SLC24A2: variants seen among roughly 807,000 people sequenced by gnomAD.
SLC24A2 encodes the protein solute carrier family 24 member 2, also known as sodium/potassium/calcium exchanger 2.
In SLC24A2, 36 loss-of-function variants were observed where a neutral mutation model predicts 62.0. The observed-to-expected ratio is 0.58, with a 90% CI of 0.44 to 0.77. The LOEUF is 0.77. Among genes scored for constraint, SLC24A2 ranks in the 30% least tolerant of loss-of-function variants. SLC24A2 has a pLI of 0.00. For missense variants in SLC24A2, 846 were observed against 817.9 expected, an observed-to-expected ratio of 1.03 and a Z score of -0.42; for synonymous variants, 358 against 294.0, an observed-to-expected ratio of 1.22 and a Z score of -2.23.
the SLC24A2 span, among the ~76,000 whole-genome samples, chr9:20,232,611 T>G: frequency 6.6e-6 from 1 of 152,210 alleles, no homozygotes; most frequent in African/African-American, 2.4e-5. Flanking sequence ...TTGCGTCTAT[T>G]TGATTCTTCT....
the SLC24A2 span, among the ~76,000 whole-genome samples, chr9:19,969,856 G>A: frequency 6.6e-6 from 1 of 152,166 alleles, no homozygotes; most frequent in Non-Finnish European, 1.5e-5. Flanking sequence ...ATAACAAAAG[G>A]GATGAAGACT....
chr9:19,509,386 A>G lies in SLC24A2; in HGVS notation c.*6767T>C, dbSNP rs1363009917. The stretch of plus-strand genomic sequence containing the variant: ...GAACAATAATTGTAGTTAATAAAAA[A>G]TAGAACAGATAAACTCCAATTTACA... On this transcript the variant is annotated 3_prime_UTR_variant, in exon 11 of 11. Transcript: ENST00000341998. 2.6e-5 allele frequency: 4 copies of G among 152,208 alleles called. No individual in the cohort carries two copies. The highest frequency in any genetic ancestry group is 7.2e-5 in the African/African-American group (3 of 41,462). The allele number at this position is 152,208 out of a possible 1,614,324, so 9.4% of individuals were successfully genotyped here.
chr9:20,095,586 G>A, the SLC24A2 span, among the ~76,000 whole-genome samples: 1 of 152,096 alleles, frequency 6.6e-6, no homozygotes, highest in East Asian at 1.9e-4. Context: ...GACTCAAAGT[G>A]AAACATTGGC....
At chr9:19,518,431 T>G (rs1586877134) in intron 10 of SLC24A2, among the ~76,000 whole-genome samples, 1 of 150,640 alleles carries the variant, frequency 6.6e-6, no homozygotes, top group East Asian at 1.9e-4. Flanking sequence ...TTTTCTTTTT[T>G]TTTTTTTTGA....
the SLC24A2 span, among the ~76,000 whole-genome samples, chr9:19,915,447 C>T: frequency 2.0e-5 from 3 of 151,982 alleles, no homozygotes; most frequent in Non-Finnish European, 4.4e-5. Flanking sequence ...TGGGCATATA[C>T]CTAGGTATAG....
rs1229804502 is a variant in SLC24A2 at position 19,514,581 on chromosome 9, C to T, written c.*1572G>A. 2 of 152,088 alleles carry T rather than the reference C, an allele frequency of 1.3e-5. No individual in the cohort carries two copies. Among genetic ancestry groups the T allele is most frequent in the African/African-American group, 4.8e-5 (2 of 41,396 alleles). The allele number at this position is 152,088 out of a possible 1,614,324, so 9.4% of individuals were successfully genotyped here. A position where few individuals can be genotyped will look rare whatever the true frequency, so the allele number is the denominator to read the frequency against. ...AAAACACACAAGGTGTCATACAGAACTTGGGGGCGTGGAATATTTTAATTT... is the reference window on the plus strand; with the variant it reads ...AAAACACACAAGGTGTCATACAGAATTTGGGGGCGTGGAATATTTTAATTT... On this transcript the variant is annotated 3_prime_UTR_variant, in exon 11 of 11. Coordinates refer to ENST00000341998, the MANE Select transcript of SLC24A2 (RefSeq NM_020344.4).
At chr9:20,067,339 G>A in the SLC24A2 span, among the ~76,000 whole-genome samples, 1 of 152,168 alleles carries the variant, frequency 6.6e-6, no homozygotes, top group African/African-American at 2.4e-5. Flanking sequence ...AAGGCCCTTA[G>A]GACGATAAGA....
At chr9:20,078,322 C>G in the SLC24A2 span, among the ~76,000 whole-genome samples, 24,513 of 149,418 alleles carry the variant, frequency 0.16, 3,465 homozygotes, top group East Asian at 0.65. Flanking sequence ...ACCCCCACTC[C>G]CCAACCCCCA....
At chr9:19,820,080 T>TATATACAA in the SLC24A2 span, among the ~76,000 whole-genome samples, 1 of 135,438 alleles carries the variant, frequency 7.4e-6, no homozygotes, top group African/African-American at 2.8e-5. Context: ...TATATATATA[T>TATATACAA]ATACAATGGA....
At chr9:20,036,722 T>C in the SLC24A2 span, among the ~76,000 whole-genome samples, 393 of 152,330 alleles carry the variant, frequency 2.6e-3, 3 homozygotes, top group African/African-American at 9.0e-3. Flanking sequence ...CATCTTTCGG[T>C]ATCCCTGGGG....
the SLC24A2 span, among the ~76,000 whole-genome samples, chr9:20,074,605 A>AAG: frequency 0.041 from 2,188 of 52,922 alleles, 151 homozygotes; most frequent in African/African-American, 0.12. Context: ...AAGGAAGGAA[A>AAG]GAAGGGAGTG....
chr9:19,694,684 C>T (rs1820134544), intron 2 of SLC24A2, among the ~76,000 whole-genome samples: 2 of 152,054 alleles, frequency 1.3e-5, no homozygotes, highest in South Asian at 4.1e-4. Flanking sequence ...CAGATATGCA[C>T]AAAGATAAAC....
chr9:19,666,156 A>G (rs2118278563), intron 2 of SLC24A2, among the ~76,000 whole-genome samples: 1 of 152,312 alleles, frequency 6.6e-6, no homozygotes, highest in African/African-American at 2.4e-5. Context: ...CTGTAATCCC[A>G]GCACTTTGAG....
At chr9:19,892,200 A>G in the SLC24A2 span, among the ~76,000 whole-genome samples, 476 of 152,226 alleles carry the variant, frequency 3.1e-3, 3 homozygotes, top group African/African-American at 0.011. Flanking sequence ...TCTTTCTCAT[A>G]GTTCACATTC....
intron 2 of SLC24A2, among the ~76,000 whole-genome samples, chr9:19,744,312 C>A (rs1423322887): frequency 6.6e-6 from 1 of 152,188 alleles, no homozygotes; most frequent in Non-Finnish European, 1.5e-5. Context: ...CTTCAAGCCA[C>A]CTCTCGCACT....
the SLC24A2 span, among the ~76,000 whole-genome samples, chr9:20,027,109 G>A: frequency 1.6e-4 from 25 of 151,964 alleles, no homozygotes; most frequent in African/African-American, 3.9e-4. Flanking sequence ...AATCAGAACC[G>A]CAATGAGCTA....
At chr9:19,520,827 C>T in intron 10 of SLC24A2, 67 bp downstream of exon 10, 1 of 1,497,874 alleles carries the variant, frequency 6.7e-7, no homozygotes, top group Non-Finnish European at 9.3e-7. Context: ...CATGTCTTTC[C>T]AGCTTCTAAG....
chr9:20,209,357 G>A, the SLC24A2 span, among the ~76,000 whole-genome samples: 2 of 152,194 alleles, frequency 1.3e-5, no homozygotes, highest in African/African-American at 4.8e-5. Context: ...AAACAGCCAT[G>A]CAAGAAAACT....
upstream of SLC24A2, among the ~76,000 whole-genome samples, chr9:19,792,360 A>T (rs1456567000): frequency 6.6e-6 from 1 of 151,980 alleles, no homozygotes; most frequent in Non-Finnish European, 1.5e-5. Context: ...CAAGGGAAAA[A>T]AATTCTAGTA....
Sources: gnomAD v4.1 joint callset for allele counts (sites outside exome capture counted in the v4.1 genomes callset) on GRCh38, gnomAD v4.1.1 for gene constraint, MANE v1.5 for transcripts, NCBI Gene and HGNC (gene_info 2026-07-23, HGNC 2026-07-21) for gene names.